Variants in OSBPL1A observed in about 807,000 individuals in gnomAD.
OSBPL1A encodes oxysterol binding protein like 1A, also known as oxysterol-binding protein-related protein 1.
OSBPL1A carries 80 observed loss-of-function variants against 137.1 expected under a neutral mutation model. That is an observed-to-expected ratio of 0.58 (90% CI 0.49 to 0.70). OSBPL1A has a LOEUF of 0.70. Ranked by LOEUF, OSBPL1A falls within the 30% of genes least tolerant of loss-of-function variation. OSBPL1A has a pLI of 0.00. For missense variants in OSBPL1A, 970 were observed against 1,129.4 expected (o/e 0.86, Z 2.02); for synonymous variants, 365 against 389.7 (o/e 0.94, Z 0.75).
rs1332822429 is a variant in OSBPL1A, at chr18:24,312,121, G to T, written c.970-15C>A. 6.2e-7 allele frequency: 1 copy of T among 1,611,306 alleles called. No individual in the cohort carries two copies. The highest frequency in any genetic ancestry group is 2.2e-5 in the East Asian group (1 of 44,798). On this transcript the variant is annotated splice_polypyrimidine_tract_variant and intron_variant, in intron 12 of 27. Coordinates refer to ENST00000319481, the MANE Select transcript of OSBPL1A (RefSeq NM_080597.4). Reference sequence around the variant, plus strand: ...TCCAGCCAGTCCTGAAATCATGCAAGAATTTAAATGAGAGTGAAAAGCATT... The same window carrying T: ...TCCAGCCAGTCCTGAAATCATGCAATAATTTAAATGAGAGTGAAAAGCATT...
intron 15 of OSBPL1A, among the ~76,000 whole-genome samples, chr18:24,244,688 T>C (rs1330630174): frequency 6.6e-6 from 1 of 152,206 alleles, no homozygotes; most frequent in Non-Finnish European, 1.5e-5. Context: ...TTCACTCCCT[T>C]TCAGGCCAGA....
Position 24,317,394 on chromosome 18 carries a change from T to A in OSBPL1A, c.739A>T (p.Arg247Ter). The change falls in exon 10 of 28, where the codon AGA becomes TGA. Residue 247 changes from arginine (R) to a stop codon, truncating the protein, a stop_gained. Transcript: ENST00000319481. LOFTEE classifies it high-confidence loss of function. ...CAGAATAATCTCCAGCCAAAAAATC[T>A]TGAACTCTAAGGGAAAAATAACAAA... ...RYEGPLWKSS[R>*]FFGWRLFWVV... The A allele has an allele frequency of 1.9e-6, 3 of 1,613,196 alleles. No individual in the cohort carries two copies. The highest frequency in any genetic ancestry group is 2.5e-6 in the Non-Finnish European group (3 of 1,179,362).
intron 11 of OSBPL1A, 76 bp from the exon 12 acceptor site, chr18:24,314,423 T>G (rs1013874160): frequency 4.0e-6 from 4 of 995,852 alleles, no homozygotes; most frequent in African/African-American, 3.3e-5. Flanking sequence ...TACATAAAAT[T>G]TAAAGTAGTG....
Position 24,168,758 on chromosome 18 carries a change from G to T in OSBPL1A, c.2419-1313C>A, listed in dbSNP as rs2086203364. ...CAGGAACGTCAGAAATCCATGGTAG[G>T]CAGATGACAGGAACACAGGAATGAG... On this transcript the variant is annotated intron_variant, in intron 24 of 27. Coordinates refer to ENST00000319481, the MANE Select transcript of OSBPL1A (RefSeq NM_080597.4). 2.6e-5 allele frequency among the ~76,000 whole-genome samples: 4 copies of T among 152,186 alleles called. No homozygotes were observed. The South Asian group carries it at 8.3e-4, about 32-fold the overall frequency.
At chr18:24,335,008 G>T (rs2091150018) in intron 5 of OSBPL1A, among the ~76,000 whole-genome samples, 1 of 152,050 alleles carries the variant, frequency 6.6e-6, no homozygotes. Flanking sequence ...TCCTGCCTCA[G>T]CCTCCCAAGT....
intron 18 of OSBPL1A, among the ~76,000 whole-genome samples, chr18:24,188,338 T>G (rs1040766758): frequency 1.3e-5 from 2 of 152,160 alleles, no homozygotes; most frequent in Non-Finnish European, 2.9e-5. Context: ...AGCCACGGGC[T>G]CCTCAACACC....
chr18:24,343,463 A>C (rs1405989411), intron 4 of OSBPL1A, among the ~76,000 whole-genome samples: 1 of 152,202 alleles, frequency 6.6e-6, no homozygotes. Context: ...TTACAGAAAC[A>C]GAAAATCCCA....
intron 13 of OSBPL1A, among the ~76,000 whole-genome samples, chr18:24,307,667 A>G (rs143404161): frequency 9.3e-4 from 141 of 152,352 alleles, no homozygotes; most frequent in African/African-American, 3.2e-3. Flanking sequence ...TATCTTAAAT[A>G]TATCAGCATA....
intron 1 of OSBPL1A, among the ~76,000 whole-genome samples, chr18:24,389,917 G>A (rs929756886): frequency 1.3e-5 from 2 of 152,026 alleles, no homozygotes; most frequent in Non-Finnish European, 2.9e-5. Context: ...AGTCCAGCCT[G>A]GGTGACAGAG....
At chr18:24,348,395 G>A (rs1223934426) in intron 4 of OSBPL1A, among the ~76,000 whole-genome samples, 1 of 151,894 alleles carries the variant, frequency 6.6e-6, no homozygotes, top group African/African-American at 2.4e-5. Flanking sequence ...AAAATCATAC[G>A]AGGAAGGTAT....
intron 15 of OSBPL1A, chr18:24,272,124 G>A (rs1207555554): frequency 1.0e-6 from 1 of 983,792 alleles, no homozygotes; most frequent in Non-Finnish European, 1.2e-6. Context: ...GCCCTCCGAG[G>A]AGAGGTCGGG....
intron 17 of OSBPL1A, among the ~76,000 whole-genome samples, chr18:24,210,475 T>C (rs1599496679): frequency 6.6e-6 from 1 of 151,772 alleles, no homozygotes; most frequent in African/African-American, 2.4e-5. Context: ...AAAACCCTTA[T>C]TGAAGACCCC....
intron 7 of OSBPL1A, among the ~76,000 whole-genome samples, chr18:24,324,745 C>T (rs572457299): frequency 2.9e-3 from 432 of 149,148 alleles, no homozygotes; most frequent in Non-Finnish European, 5.1e-3. Flanking sequence ...GATCACACCA[C>T]TGCACTCCAT....
intron 15 of OSBPL1A, among the ~76,000 whole-genome samples, chr18:24,241,377 A>T (rs935414646): frequency 6.6e-6 from 1 of 152,220 alleles, no homozygotes; most frequent in Non-Finnish European, 1.5e-5. Context: ...CAATCTATCC[A>T]TCTGACAAAG....
At chr18:24,357,102 C>G (rs1266783148) in intron 4 of OSBPL1A, 4 of 152,134 alleles carry the variant, frequency 2.6e-5, no homozygotes, top group Non-Finnish European at 5.9e-5. Context: ...CATTGTCAAT[C>G]AAGAAAAATG....
intron 15 of OSBPL1A, among the ~76,000 whole-genome samples, chr18:24,248,571 A>G (rs1387837375): frequency 6.6e-6 from 1 of 152,220 alleles, no homozygotes; most frequent in Non-Finnish European, 1.5e-5. Flanking sequence ...CTGGTTTTTG[A>G]CGTACTGACC....
intron 17 of OSBPL1A, among the ~76,000 whole-genome samples, chr18:24,207,147 G>A (rs562600357): frequency 4.6e-5 from 7 of 152,182 alleles, no homozygotes; most frequent in South Asian, 4.2e-4. Flanking sequence ...GCAGCGGTGC[G>A]ATCTTGGCTC....
intron 2 of OSBPL1A, among the ~76,000 whole-genome samples, chr18:24,374,053 A>G (rs1190815980): frequency 6.6e-6 from 1 of 152,210 alleles, no homozygotes; most frequent in African/African-American, 2.4e-5. Flanking sequence ...ACTGAGGATG[A>G]TCAAATGTTT....
intron 17 of OSBPL1A, among the ~76,000 whole-genome samples, chr18:24,197,947 C>T (rs1260935427): frequency 6.6e-6 from 1 of 151,784 alleles, no homozygotes; most frequent in Non-Finnish European, 1.5e-5. Context: ...CCACCATGCC[C>T]GGCTAATTTT....
Sources: gnomAD v4.1 joint callset for allele counts (sites outside exome capture counted in the v4.1 genomes callset) on GRCh38, gnomAD v4.1.1 for gene constraint, MANE v1.5 for transcripts, NCBI Gene and HGNC (gene_info 2026-07-23, HGNC 2026-07-21) for gene names.